The following GTF2IRD1 variants were observed in gnomAD, a reference collection of about 807,000 sequenced individuals.
GTF2IRD1 encodes general transcription factor II-I repeat domain-containing protein 1.
GTF2IRD1 carries 26 observed loss-of-function variants against 113.2 expected under a neutral mutation model. The ratio of observed to expected loss-of-function variants is 0.23; its 90% confidence interval spans 0.17 to 0.32. The LOEUF is 0.32. Among genes scored for constraint, GTF2IRD1 ranks in the 10% least tolerant of loss-of-function variants. The pLI is 1.00. For missense variants in GTF2IRD1, 864 were observed against 1,280.8 expected, an observed-to-expected ratio of 0.67 and a Z score of 4.97; for synonymous variants, 484 against 529.1, an observed-to-expected ratio of 0.91 and a Z score of 1.17.
intron 22 of GTF2IRD1, 128 bp downstream of exon 22, chr7:74,559,783 CT>C (rs112974956): frequency 0.075 from 35,857 of 479,554 alleles, no homozygotes; most frequent in South Asian, 0.11. Context: ...CCCTGCCTTT[CT>C]TTTTTTTTTT....
chr7:74,460,585 TCTC>T, intron 1 of GTF2IRD1, among the ~76,000 whole-genome samples: 1 of 152,014 alleles, frequency 6.6e-6, no homozygotes, highest in Non-Finnish European at 1.5e-5. Context: ...AGGGTCTAGA[TCTC>T]CTACTGGCCT....
chr7:74,602,236 C>A, intron 26 of GTF2IRD1, 129 bp from the exon 27 acceptor site: 1 of 1,110,716 alleles, frequency 9.0e-7, no homozygotes, highest in South Asian at 2.2e-5. Flanking sequence ...AGTGAAACTC[C>A]ATCTCAAAAA....
At chr7:74,515,693 C>T in intron 4 of GTF2IRD1, 97 bp downstream of exon 4, 1 of 1,100,180 alleles carries the variant, frequency 9.1e-7, no homozygotes, top group Non-Finnish European at 1.3e-6. Context: ...CACTATGGGC[C>T]CTGGGCAAAG....
chr7:74,456,690 A>G (rs1181446580), intron 1 of GTF2IRD1, among the ~76,000 whole-genome samples: 2 of 151,938 alleles, frequency 1.3e-5, no homozygotes, highest in African/African-American at 4.8e-5. Context: ...CTAAAAAAAA[A>G]AAAAGAAAAA....
rs371375113 is a variant in GTF2IRD1 at position 74,524,058 on chromosome 7, T to C, written c.1007-13T>C. The C allele has an allele frequency of 8.8e-6, 14 of 1,595,872 alleles. 1 individual carries two copies. Among genetic ancestry groups the C allele is most frequent in the Non-Finnish European group, 9.4e-6 (11 of 1,165,482 alleles). ...TGGGGCCCTGCTCACTTGTGCCTCC[T>C]GTGTTTTGATAGAGAAGTGGGACGC... is the stretch of plus-strand genomic sequence containing the variant. On this transcript the variant is annotated splice_polypyrimidine_tract_variant and intron_variant, in intron 7 of 26. Transcript: ENST00000424337.
chr7:74,594,568 C>T (rs1310290367), intron 24 of GTF2IRD1, among the ~76,000 whole-genome samples: 45 of 152,114 alleles, frequency 3.0e-4, no homozygotes, highest in Non-Finnish European at 5.9e-5. Context: ...GGACGTTGTG[C>T]CCCCCATTTT....
At chr7:74,571,597 C>T (rs1206267288) in intron 22 of GTF2IRD1, among the ~76,000 whole-genome samples, 1 of 152,228 alleles carries the variant, frequency 6.6e-6, no homozygotes, top group Admixed American at 6.5e-5. Context: ...CACAGTGGCT[C>T]ACGCCTGTAA....
chr7:74,471,672 T>TAAAAAAAAAAAAA (rs66929736), intron 1 of GTF2IRD1, among the ~76,000 whole-genome samples: 14 of 104,664 alleles, frequency 1.3e-4, no homozygotes, highest in Non-Finnish European at 1.7e-4. Flanking sequence ...TTGAAATATT[T>TAAAAAAAAAAAAA]AAAAAAAAAA....
At chr7:74,517,427 C>CTTTTTTTTTTTTTTTTTTTTT in intron 4 of GTF2IRD1, among the ~76,000 whole-genome samples, 1 of 77,402 alleles carries the variant, frequency 1.3e-5, no homozygotes, top group African/African-American at 5.2e-5. Context: ...CTCCCTACAC[C>CTTTTTTTTTTTTTTTTTTTTT]TTTTTTTTTT....
Position 74,487,798 on chromosome 7 carries a change from G to A in GTF2IRD1, c.-6-20277G>A, listed in dbSNP as rs549459937. Among the ~76,000 whole-genome samples, 3 of 152,226 alleles carry A rather than the reference G, an allele frequency of 2.0e-5. No individual in the cohort carries two copies. The East Asian group carries it at 5.8e-4, about 29-fold the overall frequency. Reference sequence around the variant, plus strand: ...TTGAACAAAACAACTTATACATAATGCATTTTTATATTTTAAACTAACAAA... The same window carrying A: ...TTGAACAAAACAACTTATACATAATACATTTTTATATTTTAAACTAACAAA... On this transcript the variant is annotated intron_variant, in intron 1 of 26. Transcript: ENST00000424337.
chr7:74,574,226 T>C (rs1583926816), intron 22 of GTF2IRD1, among the ~76,000 whole-genome samples: 3 of 143,896 alleles, frequency 2.1e-5, no homozygotes, highest in African/African-American at 7.6e-5. Context: ...GGTCTCGAAC[T>C]CCTGACCTCA....
intron 1 of GTF2IRD1, among the ~76,000 whole-genome samples, chr7:74,496,501 G>A (rs1046577728): frequency 2.1e-5 from 3 of 144,074 alleles, no homozygotes; most frequent in East Asian, 2.1e-4. Flanking sequence ...GTGTGTGTGT[G>A]TTCATGTGGG....
chr7:74,516,582 C>T (rs1796939149), intron 4 of GTF2IRD1, among the ~76,000 whole-genome samples: 1 of 151,074 alleles, frequency 6.6e-6, no homozygotes, highest in African/African-American at 2.5e-5. Context: ...TGGCTTTATC[C>T]CTTCTCCTAC....
intron 8 of GTF2IRD1, 47 bp from the exon 9 acceptor site, chr7:74,529,687 C>T: frequency 2.5e-6 from 4 of 1,577,736 alleles, no homozygotes; most frequent in Non-Finnish European, 3.5e-6. Context: ...CCTGTGTGTC[C>T]AGCAGCCTGT....
chr7:74,473,412 T>C (rs1554332859), intron 1 of GTF2IRD1, among the ~76,000 whole-genome samples: 1 of 150,822 alleles, frequency 6.6e-6, no homozygotes, highest in African/African-American at 2.4e-5. Context: ...GGAGGTTGCA[T>C]GGTGGCAGCT....
chr7:74,519,832 GC>G, intron 6 of GTF2IRD1, 113 bp downstream of exon 6: 1 of 726,388 alleles, frequency 1.4e-6, no homozygotes, highest in Non-Finnish European at 2.3e-6. Flanking sequence ...GTTGGAAGGA[GC>G]CATGTCTGGG....
Position 74,518,132 on chromosome 7 carries a change from C to G in GTF2IRD1, c.422-7C>G. ...ACCAGGCCCCTCTCCTGGACTCTCC[C>G]CTACAGGCGAGGCCCTGGGAAGGGC... On this transcript the variant is annotated splice_polypyrimidine_tract_variant and splice_region_variant and intron_variant, in intron 4 of 26. Coordinates refer to ENST00000424337, the MANE Select transcript of GTF2IRD1 (RefSeq NM_005685.4). 6.5e-7 allele frequency: 1 copy of G among 1,548,930 alleles called. No homozygotes were observed. The highest frequency in any genetic ancestry group is 8.7e-7 in the Non-Finnish European group (1 of 1,144,456).
intron 1 of GTF2IRD1, among the ~76,000 whole-genome samples, chr7:74,496,341 TGTGCATGTGTGTGTGG>T (rs782461027): frequency 2.1e-5 from 3 of 140,996 alleles, no homozygotes; most frequent in Admixed American, 7.1e-5. Flanking sequence ...TGTGCATGTA[TGTGCATGTGTGTGTGG>T]GTGCATGTGT....
chr7:74,515,723 G>A, intron 4 of GTF2IRD1, 127 bp downstream of exon 4: 3 of 719,682 alleles, frequency 4.2e-6, no homozygotes, highest in South Asian at 1.9e-5. Context: ...AAGGCATGGG[G>A]CTACTGGCTA....
Sources: allele counts gnomAD v4.1 joint callset (sites outside exome capture counted in the v4.1 genomes callset), GRCh38; gene constraint gnomAD v4.1.1; transcripts MANE v1.5; gene names NCBI Gene and HGNC (gene_info 2026-07-23, HGNC 2026-07-21).